Variants in MTMR10 observed in about 807,000 individuals in gnomAD.
The protein encoded by MTMR10 is myotubularin-related protein 10.
A neutral mutation model predicts 88.1 loss-of-function variants in MTMR10; 56 were observed. That is an observed-to-expected ratio of 0.64 (90% CI 0.51 to 0.79). The LOEUF (loss-of-function observed/expected upper bound fraction) is 0.79. Among genes scored for constraint, MTMR10 ranks in the 30% least tolerant of loss-of-function variants. The pLI is 0.00. For missense variants in MTMR10, 883 were observed against 924.7 expected, an observed-to-expected ratio of 0.95 and a Z score of 0.58; for synonymous variants, 380 against 340.9, an observed-to-expected ratio of 1.11 and a Z score of -1.26.
chr15:30,933,061 C>T, the MTMR10 span, among the ~76,000 whole-genome samples: 1 of 152,084 alleles, frequency 6.6e-6, no homozygotes, highest in Non-Finnish European at 1.5e-5. Flanking sequence ...GAATCTTTAT[C>T]TCTGTCATGC....
At chr15:30,990,735 T>G in intron 2 of MTMR10, 42 bp downstream of exon 2, 1 of 1,545,802 alleles carries the variant, frequency 6.5e-7, no homozygotes, top group South Asian at 1.2e-5. Context: ...TAAACCAAAA[T>G]ACGTTGCTAA....
intron 14 of MTMR10, among the ~76,000 whole-genome samples, chr15:30,945,199 C>T (rs910463888): frequency 6.6e-5 from 10 of 151,986 alleles, no homozygotes; most frequent in Non-Finnish European, 1.2e-4. Context: ...TTAAGAATCA[C>T]GACCCTTAGA....
the MTMR10 span, chr15:30,925,415 C>G: frequency 1.1e-6 from 1 of 935,134 alleles, no homozygotes; most frequent in Non-Finnish European, 1.6e-6. Flanking sequence ...ATCTAAAACT[C>G]GTTTTGGACG....
rs2140983714 is a variant in MTMR10, at chr15:30,941,043, T to C, written c.*427A>G. ...GACAGAAAGTAACCAGAAAAATACA[T>C]GAATACTTCCTAAAACCTGCTGGAG... On this transcript the variant is annotated 3_prime_UTR_variant, in exon 16 of 16. Transcript: ENST00000435680. 8.5e-7 allele frequency: 1 copy of C among 1,178,548 alleles called. No individual in the cohort carries two copies. The highest frequency in any genetic ancestry group is 1.1e-6 in the Non-Finnish European group (1 of 938,618). 73.0% of individuals were successfully genotyped at this position (1,178,548 alleles called of 1,614,324 possible).
downstream of MTMR10, among the ~76,000 whole-genome samples, chr15:30,935,299 C>A (rs2062820925): frequency 1.3e-5 from 2 of 151,524 alleles, no homozygotes; most frequent in African/African-American, 4.9e-5. Flanking sequence ...CAGAGTGAGA[C>A]CTTGTCTCAA....
At chr15:30,925,152 T>C in the MTMR10 span, 2 of 1,613,986 alleles carry the variant, frequency 1.2e-6, no homozygotes, top group Admixed American at 3.3e-5. Flanking sequence ...ACAGAGGGGC[T>C]GGCGGATCCG....
chr15:30,966,080 C>A (rs183633742), intron 6 of MTMR10: 2 of 452,570 alleles, frequency 4.4e-6, no homozygotes, highest in Non-Finnish European at 8.9e-6. Flanking sequence ...TGTTACCCTA[C>A]GAGGAATCTT....
chr15:30,986,860 C>T (rs1295770557), intron 2 of MTMR10, among the ~76,000 whole-genome samples: 1 of 152,230 alleles, frequency 6.6e-6, no homozygotes. Context: ...CAGGACAGAC[C>T]TGGCACCCAG....
chr15:30,978,333 T>C (rs1046087693), intron 2 of MTMR10, among the ~76,000 whole-genome samples: 1 of 152,246 alleles, frequency 6.6e-6, no homozygotes, highest in East Asian at 1.9e-4. Context: ...GCTGAAATGT[T>C]AGTGCCTAGA....
chr15:30,990,607 G>A (rs2031249468), intron 2 of MTMR10, among the ~76,000 whole-genome samples, 170 bp downstream of exon 2: 1 of 152,228 alleles, frequency 6.6e-6, no homozygotes, highest in Non-Finnish European at 1.5e-5. Flanking sequence ...AAAAGGAAAT[G>A]AGGTAATGAC....
At chr15:30,987,436 A>G (rs1331453137) in intron 2 of MTMR10, among the ~76,000 whole-genome samples, 1 of 152,220 alleles carries the variant, frequency 6.6e-6, no homozygotes, top group Non-Finnish European at 1.5e-5. Flanking sequence ...TCTAAATTAA[A>G]TTACTAGTCA....
In MTMR10 at chr15:30,965,728, T is replaced by C. The variant is rs577766126; in HGVS notation, c.565+2192A>G. ...GAAGTGTTGGGATGACTGCAGGACC[T>C]TTCAGAGATGGCTTTTCCTCATGTG... On this transcript the variant is annotated intron_variant, in intron 6 of 15. Transcript: ENST00000435680. 8.7e-5 allele frequency: 23 copies of C among 263,572 alleles called. No homozygotes were observed. The East Asian group carries it at 2.1e-3, about 25-fold the overall frequency. The allele number at this position is 263,572 out of a possible 1,614,324, so 16.3% of individuals were successfully genotyped here.
intron 9 of MTMR10, among the ~76,000 whole-genome samples, chr15:30,957,400 T>G (rs980862294): frequency 5.9e-5 from 9 of 152,150 alleles, no homozygotes; most frequent in African/African-American, 2.2e-4. Flanking sequence ...AAGGCTTATC[T>G]TGAGGAAATG....
At chr15:30,942,179 A>G in intron 15 of MTMR10, 107 bp from the exon 16 acceptor site, 1 of 1,329,974 alleles carries the variant, frequency 7.5e-7, no homozygotes, top group African/African-American at 1.5e-5. Context: ...ATGGAATTTC[A>G]GCCTCAAAGA....
intron 9 of MTMR10, among the ~76,000 whole-genome samples, chr15:30,955,652 G>A (rs1364821745): frequency 1.3e-5 from 2 of 152,080 alleles, no homozygotes; most frequent in Admixed American, 1.3e-4. Context: ...GCCAAGGGGG[G>A]GGCGGGGCAG....
At chr15:30,951,396 C>T (rs1036172151) in intron 12 of MTMR10, among the ~76,000 whole-genome samples, 1 of 152,140 alleles carries the variant, frequency 6.6e-6, no homozygotes. Flanking sequence ...AGTATTAATC[C>T]ATTAGGGGAT....
At chr15:30,975,734 T>C (rs978528322) in intron 3 of MTMR10, among the ~76,000 whole-genome samples, 8 of 152,206 alleles carry the variant, frequency 5.3e-5, no homozygotes, top group African/African-American at 2.4e-5. Flanking sequence ...TACAGTATAA[T>C]AATTATGGTA....
At chr15:30,955,862 G>C (rs1333910869) in intron 9 of MTMR10, among the ~76,000 whole-genome samples, 1 of 152,064 alleles carries the variant, frequency 6.6e-6, no homozygotes, top group Non-Finnish European at 1.5e-5. Flanking sequence ...CTATTCTTAG[G>C]AGAGAATGGG....
chr15:30,954,972 GA>G, intron 9 of MTMR10, 79 bp from the exon 10 acceptor site: 1 of 1,260,640 alleles, frequency 7.9e-7, no homozygotes, highest in Non-Finnish European at 1.1e-6. Context: ...TAGACCAGGG[GA>G]TAGAGAGAGG....
Sources: gnomAD v4.1 joint callset for allele counts (sites outside exome capture counted in the v4.1 genomes callset) on GRCh38, gnomAD v4.1.1 for gene constraint, MANE v1.5 for transcripts, NCBI Gene and HGNC (gene_info 2026-07-23, HGNC 2026-07-21) for gene names.